The following ADD1 variants were observed in gnomAD, a reference collection of about 807,000 sequenced individuals.
ADD1 encodes the protein alpha-adducin.
Under a neutral mutation model 80.5 loss-of-function variants are expected in ADD1, and 24 were observed. The observed-to-expected ratio is 0.30, with a 90% confidence interval of 0.22 to 0.42. The LOEUF (loss-of-function observed/expected upper bound fraction) is 0.42. ADD1 is among the 10% of genes least tolerant of loss of function. The probability of loss-of-function intolerance (pLI) is 1.00; values close to 1 mark genes in which losing one functional copy is unlikely to be tolerated. For missense variants in ADD1, 948 were observed against 1,019.0 expected (o/e 0.93, Z 0.95); for synonymous variants, 373 against 393.8 (o/e 0.95, Z 0.63).
At chr4:2,889,225 T>C (rs1331428892) in intron 4 of ADD1, among the ~76,000 whole-genome samples, 1 of 152,158 alleles carries the variant, frequency 6.6e-6, no homozygotes, top group Non-Finnish European at 1.5e-5. Flanking sequence ...GCATTGCAGC[T>C]CAGCGGGGTG....
Position 2,926,729 on chromosome 4 carries a change from C to T in ADD1, c.2047+617C>T. 1.9e-6 allele frequency: 3 copies of T among 1,552,812 alleles called. No homozygotes were observed. The highest frequency in any genetic ancestry group is 2.7e-6 in the Non-Finnish European group (3 of 1,131,214). On this transcript the variant is annotated intron_variant, in intron 15 of 15. Transcript: ENST00000683351. The surrounding 1 kb of genome is among the most constrained non-coding windows in gnomAD (Gnocchi z 5.0). The stretch of plus-strand genomic sequence containing the variant: ...CCGGTGCCCTGCGCTTTGCCTCATT[C>T]TCCTGCTTCTTTGTTGTTTATTAAG...
chr4:2,892,277 C>T (rs1006231338), intron 4 of ADD1, among the ~76,000 whole-genome samples: 2 of 152,192 alleles, frequency 1.3e-5, no homozygotes, highest in African/African-American at 2.4e-5. Context: ...ATTCTGGGTT[C>T]CTTAACCCAT....
intron 14 of ADD1, among the ~76,000 whole-genome samples, chr4:2,919,789 C>A (rs1225172386): frequency 6.6e-6 from 1 of 151,952 alleles, no homozygotes; most frequent in Non-Finnish European, 1.5e-5. Context: ...AAAAAACCAG[C>A]TCCTGGATTC....
rs140768539 is a variant in ADD1 at position 2,852,756 on chromosome 4, C to T, written c.-21+8732C>T. On this transcript the variant is annotated intron_variant, in intron 1 of 15. Coordinates refer to ENST00000683351, the MANE Select transcript of ADD1 (RefSeq NM_001354761.2). ...CTCTGTCACCCAGGCTGAAGTGCAG[C>T]GGTGCGATCTTGGCTCTCACTGCAG... Among the ~76,000 whole-genome samples the T allele has an allele frequency of 8.2e-3, 1,165 of 141,796 alleles. 2 individuals are homozygous for T. The highest frequency in any genetic ancestry group is 0.012 in the Non-Finnish European group (790 of 66,186). 93.0% of individuals were successfully genotyped at this position (141,796 alleles called of 152,430 possible). A position where few individuals can be genotyped will look rare whatever the true frequency, so the allele number is the denominator to read the frequency against.
At chr4:2,912,020 G>A (rs769971704) in intron 13 of ADD1, among the ~76,000 whole-genome samples, 10 of 152,236 alleles carry the variant, frequency 6.6e-5, no homozygotes, top group Non-Finnish European at 1.5e-4. Context: ...CACTGGGAAT[G>A]CCAGTCCAGA....
rs537655601 is a variant in ADD1, at chr4:2,904,915, A to G, written c.1313A>G (p.Gln438Arg). Residue 438 changes from glutamine to arginine, a missense_variant, in exon 10 of 16, where the codon CAG becomes CGG. Gln to Arg is a conservative substitution (Grantham distance 43). Coordinates refer to ENST00000683351, the MANE Select transcript of ADD1 (RefSeq NM_001354761.2). ...TGCTCCCCACTCAGACACAGTTTTC[A>G]GAAGCAGCAGCGGGAGAAGACAAGA... is the stretch of plus-strand genomic sequence containing the variant. ...GTCSPLRHSF[Q>R]KQQREKTRWL... 1 of 1,614,102 alleles carries G rather than the reference A, an allele frequency of 6.2e-7. No individual in the cohort carries two copies. Among genetic ancestry groups the G allele is most frequent in the Non-Finnish European group, 8.5e-7 (1 of 1,180,054 alleles).
intron 4 of ADD1, among the ~76,000 whole-genome samples, chr4:2,892,694 G>C (rs1039510865): frequency 6.6e-6 from 1 of 151,860 alleles, no homozygotes; most frequent in African/African-American, 2.4e-5. Flanking sequence ...AAATAGCCAG[G>C]CTTAATGACT....
At chr4:2,885,357 C>T (rs1733078676) in intron 4 of ADD1, among the ~76,000 whole-genome samples, 1 of 152,168 alleles carries the variant, frequency 6.6e-6, no homozygotes, top group African/African-American at 2.4e-5. Flanking sequence ...ACCCAAATCT[C>T]AAATGGGCCA....
At position 2,869,374 on chromosome 4, in the gene ADD1, TCTACA is replaced by T. The variant is rs544476499; in HGVS notation, c.-20-6519_-20-6515del. 4.5e-3 allele frequency among the ~76,000 whole-genome samples: 688 copies of T among 152,342 alleles called. 4 individuals are homozygous for T. Among genetic ancestry groups the T allele is most frequent in the Non-Finnish European group, 8.0e-3 (541 of 68,026 alleles). ...AGCACTGCGTCCACCTCTGCCTTCATCTACACTTAGTTCTCCCTGTGCGTGTCTCT... is the reference window on the plus strand; with the variant it reads ...AGCACTGCGTCCACCTCTGCCTTCATCTTAGTTCTCCCTGTGCGTGTCTCT... On this transcript the variant is annotated intron_variant, in intron 1 of 15. Transcript: ENST00000683351.
chr4:2,846,872 C>T (rs867548127), intron 1 of ADD1, among the ~76,000 whole-genome samples: 18 of 150,164 alleles, frequency 1.2e-4, no homozygotes, highest in South Asian at 4.2e-4. Flanking sequence ...AATCCCAGCA[C>T]TTTGGGAGGC....
chr4:2,911,448 A>ATATATATTTT (rs553567632), intron 13 of ADD1, among the ~76,000 whole-genome samples: 10 of 130,518 alleles, frequency 7.7e-5, no homozygotes, highest in African/African-American at 3.0e-4. Context: ...ATATATATAT[A>ATATATATTTT]TTTTTTTTTT....
At chr4:2,847,110 C>T (rs1238232588) in intron 1 of ADD1, among the ~76,000 whole-genome samples, 1 of 151,636 alleles carries the variant, frequency 6.6e-6, no homozygotes, top group Non-Finnish European at 1.5e-5. Context: ...CGGAGCGAGA[C>T]TCCGTCTCAA....
Position 2,928,648 on chromosome 4 carries a change from C to G in ADD1, c.*125C>G, listed in dbSNP as rs552125540. The G allele has an allele frequency of 5.8e-6, 6 of 1,034,796 alleles. No homozygotes were observed. The South Asian group carries it at 6.0e-5, about 10-fold the overall frequency. 64.1% of individuals were successfully genotyped at this position (1,034,796 alleles called of 1,614,324 possible). A position where few individuals can be genotyped will look rare whatever the true frequency, so the allele number is the denominator to read the frequency against. On this transcript the variant is annotated 3_prime_UTR_variant, in exon 16 of 16. Transcript: ENST00000683351. Reference sequence around the variant, plus strand: ...GCCAAGCCCTCCGCCTAGAGGTCCCCTCACGTGACCAGCCCCGTGTAGCCC... The same window carrying G: ...GCCAAGCCCTCCGCCTAGAGGTCCCGTCACGTGACCAGCCCCGTGTAGCCC...
intron 6 of ADD1, among the ~76,000 whole-genome samples, chr4:2,896,503 C>T (rs547787149): frequency 6.6e-6 from 1 of 152,210 alleles, no homozygotes; most frequent in East Asian, 1.9e-4. Context: ...GCCACCACGT[C>T]CGACCTGATA....
chr4:2,906,983 C>G (rs1319238963), intron 10 of ADD1, among the ~76,000 whole-genome samples: 1 of 152,092 alleles, frequency 6.6e-6, no homozygotes. Context: ...GATTAAAAAT[C>G]TCAGATTTGA....
chr4:2,852,185 T>TCTTTCTTTC (rs1727247926), intron 1 of ADD1, among the ~76,000 whole-genome samples: 3 of 45,886 alleles, frequency 6.5e-5, no homozygotes, highest in East Asian at 1.5e-3. Flanking sequence ...TTTCTTTCTT[T>TCTTTCTTTC]CTTTCTTTCT....
intron 1 of ADD1, among the ~76,000 whole-genome samples, chr4:2,866,779 C>T (rs1729619951): frequency 1.3e-5 from 2 of 152,096 alleles, no homozygotes; most frequent in Admixed American, 6.5e-5. Context: ...TATTGTGAGA[C>T]CTCTGAAGCT....
chr4:2,857,376 T>C (rs1318682970), intron 1 of ADD1, among the ~76,000 whole-genome samples: 2 of 152,168 alleles, frequency 1.3e-5, no homozygotes, highest in African/African-American at 2.4e-5. Context: ...CTCAAGAGGC[T>C]GAAGTTAGAG....
chr4:2,915,115 G>T, intron 14 of ADD1, 75 bp downstream of exon 14: 1 of 1,474,432 alleles, frequency 6.8e-7, no homozygotes. Context: ...TGGTCCAGGT[G>T]CTGGCTGTGG....
Sources: allele counts gnomAD v4.1 joint callset (sites outside exome capture counted in the v4.1 genomes callset), GRCh38; gene constraint gnomAD v4.1.1; non-coding constraint Gnocchi (gnomAD v3.1); transcripts MANE v1.5; gene names NCBI Gene and HGNC (gene_info 2026-07-23, HGNC 2026-07-21).